APP: variants seen among roughly 807,000 people sequenced by gnomAD.
The protein encoded by APP is amyloid beta precursor protein.
A neutral mutation model predicts 101.4 loss-of-function variants in APP; 31 were observed. The ratio of observed to expected loss-of-function variants is 0.31; its 90% CI spans 0.23 to 0.41. The LOEUF is 0.41. APP is among the 10% of genes least tolerant of loss of function. APP has a pLI of 1.00. For missense variants in APP, 839 were observed against 1,003.7 expected, an observed-to-expected ratio of 0.84 and a Z score of 2.22; for synonymous variants, 366 against 364.4, an observed-to-expected ratio of 1.00 and a Z score of -0.05.
chr21:25,997,618 A>G (rs1433501094), intron 7 of APP, among the ~76,000 whole-genome samples: 1 of 152,176 alleles, frequency 6.6e-6, no homozygotes, highest in Non-Finnish European at 1.5e-5. Flanking sequence ...AATGCTGGAT[A>G]TTTTGTCTCT....
chr21:25,966,323 T>C (rs1050240583), intron 11 of APP, among the ~76,000 whole-genome samples: 2 of 152,198 alleles, frequency 1.3e-5, no homozygotes, highest in Admixed American at 1.3e-4. Flanking sequence ...CCCTTAGGAG[T>C]GCCCAAGCTA....
intron 2 of APP, 27 bp from the exon 3 acceptor site, chr21:26,090,099 T>A (rs753277239): frequency 1.2e-6 from 2 of 1,613,500 alleles, no homozygotes; most frequent in Non-Finnish European, 1.7e-6. Context: ...AAAGAATCAA[T>A]TGTTACTTGA....
At chr21:25,974,569 T>C (rs2042155688) in intron 11 of APP, among the ~76,000 whole-genome samples, 1 of 152,088 alleles carries the variant, frequency 6.6e-6, no homozygotes, top group Non-Finnish European at 1.5e-5. Flanking sequence ...AAAATTTAAG[T>C]TCTATGAACC....
intron 1 of APP, among the ~76,000 whole-genome samples, chr21:26,113,063 GA>G (rs1205084880): frequency 6.6e-6 from 1 of 151,114 alleles, no homozygotes; most frequent in African/African-American, 2.4e-5. Flanking sequence ...ATCTCAAAAA[GA>G]AAAAAAAATT....
At chr21:26,135,861 C>T (rs989103495) in intron 1 of APP, among the ~76,000 whole-genome samples, 7 of 151,986 alleles carry the variant, frequency 4.6e-5, no homozygotes, top group African/African-American at 1.2e-4. Context: ...CAGCCAGGCA[C>T]GGTGGCTCAC....
chr21:25,897,893 T>G (rs2038185310), intron 15 of APP: 6 of 567,774 alleles, frequency 1.1e-5, no homozygotes, highest in Non-Finnish European at 1.9e-5. Flanking sequence ...AACCTGAAAG[T>G]AAGGCTTCTG....
chr21:26,155,742 T>A (rs2063361767), intron 1 of APP, among the ~76,000 whole-genome samples: 1 of 152,154 alleles, frequency 6.6e-6, no homozygotes, highest in Non-Finnish European at 1.5e-5. Context: ...ATGCCTGTAA[T>A]CCCAGCACTT....
intron 9 of APP, among the ~76,000 whole-genome samples, chr21:25,978,389 T>C (rs771142656): frequency 2.0e-5 from 3 of 152,132 alleles, no homozygotes; most frequent in Non-Finnish European, 2.9e-5. Flanking sequence ...ATCTATCTAA[T>C]TTAATTGATT....
intron 5 of APP, among the ~76,000 whole-genome samples, chr21:26,040,004 AT>A (rs2045300348): frequency 6.6e-6 from 1 of 152,148 alleles, no homozygotes; most frequent in Non-Finnish European, 1.5e-5. Context: ...TTTTTTTCAA[AT>A]TTTGGGATAT....
intron 1 of APP, among the ~76,000 whole-genome samples, chr21:26,155,015 G>A (rs2063346777): frequency 6.6e-6 from 1 of 152,196 alleles, no homozygotes; most frequent in Non-Finnish European, 1.5e-5. Flanking sequence ...ACTTTGGGAG[G>A]CCAAAGCGGC....
intron 5 of APP, among the ~76,000 whole-genome samples, chr21:26,035,533 C>T (rs1484907307): frequency 2.0e-5 from 3 of 152,282 alleles, no homozygotes; most frequent in South Asian, 2.1e-4. Flanking sequence ...ACACCAACTA[C>T]GTGTTTGTTA....
At chr21:26,062,234 C>CAA (rs2046297595) in intron 3 of APP, among the ~76,000 whole-genome samples, 1 of 95,000 alleles carries the variant, frequency 1.1e-5, no homozygotes, top group African/African-American at 5.5e-5. Context: ...CAAACAAACA[C>CAA]ACACACACAC....
At chr21:26,158,807 A>G (rs565618053) in intron 1 of APP, among the ~76,000 whole-genome samples, 4 of 152,252 alleles carry the variant, frequency 2.6e-5, no homozygotes, top group African/African-American at 4.8e-5. Context: ...CACATCCTTG[A>G]AACCTAGTTC....
At chr21:26,073,636 AAAG>A (rs2061448990) in intron 3 of APP, among the ~76,000 whole-genome samples, 2 of 152,156 alleles carry the variant, frequency 1.3e-5, no homozygotes, top group South Asian at 4.1e-4. Flanking sequence ...AGGGAGCTCT[AAAG>A]AAGAGGAAAA....
intron 1 of APP, among the ~76,000 whole-genome samples, chr21:26,162,497 C>T (rs2063512684): frequency 5.9e-5 from 9 of 152,004 alleles, no homozygotes; most frequent in Admixed American, 5.2e-4. Context: ...TGTGAAATAA[C>T]GAGCACACAG....
chr21:25,939,546 T>C (rs2040490229), intron 13 of APP, among the ~76,000 whole-genome samples: 1 of 152,240 alleles, frequency 6.6e-6, no homozygotes, highest in Non-Finnish European at 1.5e-5. Context: ...AAATAAGGGA[T>C]GAGAAAAAGC....
intron 13 of APP, among the ~76,000 whole-genome samples, chr21:25,928,025 G>A (rs939948169): frequency 6.6e-6 from 1 of 152,152 alleles, no homozygotes; most frequent in African/African-American, 2.4e-5. Flanking sequence ...TGCCTGGGTT[G>A]TCAGGAACTT....
chr21:26,015,005 C>G (rs2043989864), intron 6 of APP, among the ~76,000 whole-genome samples: 1 of 152,108 alleles, frequency 6.6e-6, no homozygotes, highest in Admixed American at 6.5e-5. Context: ...CAATTTTCAG[C>G]TGGATTTAAA....
intron 1 of APP, among the ~76,000 whole-genome samples, chr21:26,121,119 A>G (rs1037239631): frequency 6.6e-6 from 1 of 152,170 alleles, no homozygotes; most frequent in Non-Finnish European, 1.5e-5. Context: ...ACCAAATTTC[A>G]CCATGTGGCA....
Sources: allele counts gnomAD v4.1 joint callset (sites outside exome capture counted in the v4.1 genomes callset), GRCh38; gene constraint gnomAD v4.1.1; transcripts MANE v1.5; gene names NCBI Gene and HGNC (gene_info 2026-07-23, HGNC 2026-07-21).